NFIB: variants seen among roughly 807,000 people sequenced by gnomAD.
The protein encoded by NFIB is nuclear factor 1 B-type.
NFIB carries 11 observed loss-of-function variants against 61.5 expected under a neutral mutation model. The observed-to-expected ratio is 0.18, with a 90% confidence interval of 0.11 to 0.30. NFIB has a LOEUF of 0.30. Ranked by LOEUF, NFIB falls within the 10% of genes least tolerant of loss-of-function variation. The pLI is 1.00. For synonymous variants in NFIB, 260 were observed against 216.5 expected, an observed-to-expected ratio of 1.20 and a Z score of -1.76; for missense variants, 471 against 608.9, an observed-to-expected ratio of 0.77 and a Z score of 2.38.
chr9:14,478,011 T>C, the NFIB span, among the ~76,000 whole-genome samples: 2 of 152,148 alleles, frequency 1.3e-5, no homozygotes, highest in Non-Finnish European at 2.9e-5. Context: ...TCAAGATTTC[T>C]ACATATTTTC....
chr9:14,340,194 A>G (rs2060933689), intron 1 of NFIB, among the ~76,000 whole-genome samples: 1 of 152,136 alleles, frequency 6.6e-6, no homozygotes, highest in Non-Finnish European at 1.5e-5. Context: ...GCGCATTAGC[A>G]TTTTCCTACC....
chr9:14,530,888 G>C, the NFIB span, among the ~76,000 whole-genome samples: 1 of 151,454 alleles, frequency 6.6e-6, no homozygotes, highest in African/African-American at 2.4e-5. Context: ...GACAGAAAAG[G>C]AAAGGGGCAA....
intron 1 of NFIB, among the ~76,000 whole-genome samples, chr9:14,393,465 C>T (rs1018976633): frequency 2.0e-5 from 3 of 152,144 alleles, no homozygotes; most frequent in Admixed American, 6.6e-5. Context: ...AAGCACAGTC[C>T]TATACTGAAG....
At chr9:14,514,315 T>A in the NFIB span, among the ~76,000 whole-genome samples, 1 of 148,958 alleles carries the variant, frequency 6.7e-6, no homozygotes, top group African/African-American at 2.5e-5. Context: ...CACATACACA[T>A]ACATACATAC....
chr9:14,331,144 T>C (rs1564012671), intron 1 of NFIB, among the ~76,000 whole-genome samples: 1 of 152,160 alleles, frequency 6.6e-6, no homozygotes, highest in Non-Finnish European at 1.5e-5. Context: ...ATAATTACTA[T>C]TTACTGAGGT....
chr9:14,142,973 T>C (rs2041917874), intron 6 of NFIB, among the ~76,000 whole-genome samples: 1 of 152,028 alleles, frequency 6.6e-6, no homozygotes, highest in Admixed American at 6.6e-5. Flanking sequence ...ATATATAAAA[T>C]AATACAAAGT....
chr9:14,213,697 T>A (rs569098058), intron 2 of NFIB, among the ~76,000 whole-genome samples: 5 of 152,274 alleles, frequency 3.3e-5, no homozygotes, highest in African/African-American at 1.2e-4. Flanking sequence ...AAGTCCAAAG[T>A]GCTAAATGAA....
intron 2 of NFIB, among the ~76,000 whole-genome samples, chr9:14,286,435 C>G (rs1054254838): frequency 1.2e-4 from 18 of 152,126 alleles, no homozygotes; most frequent in African/African-American, 4.1e-4. Context: ...TGTATAACTA[C>G]CATGTACACA....
At chr9:14,523,029 G>C in the NFIB span, among the ~76,000 whole-genome samples, 1 of 152,140 alleles carries the variant, frequency 6.6e-6, no homozygotes, top group Non-Finnish European at 1.5e-5. Flanking sequence ...ATAAGCATGA[G>C]AGAGTTGAGG....
intron 1 of NFIB, among the ~76,000 whole-genome samples, chr9:14,333,843 A>G (rs138574482): frequency 6.6e-6 from 1 of 152,308 alleles, no homozygotes; most frequent in East Asian, 1.9e-4. Context: ...CAATGCAGAA[A>G]CCGTCTCCCA....
At chr9:14,213,608 C>A (rs1013010061) in intron 2 of NFIB, among the ~76,000 whole-genome samples, 1 of 152,160 alleles carries the variant, frequency 6.6e-6, no homozygotes, top group Non-Finnish European at 1.5e-5. Flanking sequence ...CATGGGAAAC[C>A]GAAATACTTC....
upstream of NFIB, among the ~76,000 whole-genome samples, chr9:14,315,162 G>A (rs1284866915): frequency 6.6e-6 from 1 of 151,426 alleles, no homozygotes; most frequent in African/African-American, 2.4e-5. Context: ...GGGGTGCGGC[G>A]CCCAGCCCCC....
intron 2 of NFIB, among the ~76,000 whole-genome samples, chr9:14,189,562 T>C (rs1159112537): frequency 6.6e-6 from 1 of 150,678 alleles, no homozygotes; most frequent in Non-Finnish European, 1.5e-5. Context: ...ATATTTAATG[T>C]TCTTTAAGGT....
chr9:14,086,311 A>C lies in NFIB; in HGVS notation c.*1998T>G, dbSNP rs1234906986. 9.0e-6 allele frequency: 2 copies of C among 222,484 alleles called. No homozygotes were observed. The highest frequency in any genetic ancestry group is 1.8e-5 in the Non-Finnish European group (2 of 111,100). The allele number at this position is 222,484 out of a possible 1,614,324, so 13.8% of individuals were successfully genotyped here. A position where few individuals can be genotyped will look rare whatever the true frequency, so the allele number is the denominator to read the frequency against. On this transcript the variant is annotated 3_prime_UTR_variant, in exon 11 of 11. Transcript: ENST00000380953. Reference sequence around the variant, plus strand: ...ATCTCTCAGTACACAAAAGGACCTCATCACACTGCAAAAATAGCAGTACCC... The same window carrying C: ...ATCTCTCAGTACACAAAAGGACCTCCTCACACTGCAAAAATAGCAGTACCC...
chr9:14,410,768 C>A, the NFIB span, among the ~76,000 whole-genome samples: 1 of 152,176 alleles, frequency 6.6e-6, no homozygotes, highest in Non-Finnish European at 1.5e-5. Context: ...TGAGGTCTCT[C>A]CTGTGCTCTG....
rs923836039 is a variant in NFIB at position 14,313,512 on chromosome 9, G to C, written c.-1C>G. The stretch of plus-strand genomic sequence containing the variant: ...TGAGACAGATGGGAGAATACATCAT[G>C]ACTTCGCCTTAAAACGCACTTTCCG... On this transcript the variant is annotated 5_prime_UTR_variant, in exon 1 of 11. Coordinates refer to ENST00000380953, the MANE Select transcript of NFIB (RefSeq NM_001190737.2). The surrounding 1 kb of genome is among the most constrained non-coding windows in gnomAD (Gnocchi z 4.5). The C allele has an allele frequency of 6.2e-7, 1 of 1,613,984 alleles. No homozygotes were observed. Among genetic ancestry groups the C allele is most frequent in the Non-Finnish European group, 8.5e-7 (1 of 1,179,938 alleles).
intron 1 of NFIB, among the ~76,000 whole-genome samples, chr9:14,324,850 A>C (rs914340722): frequency 6.6e-6 from 1 of 152,122 alleles, no homozygotes; most frequent in Non-Finnish European, 1.5e-5. Context: ...ATATGTACAC[A>C]TATTATCATT....
chr9:14,263,422 T>G (rs916693482), intron 2 of NFIB, among the ~76,000 whole-genome samples: 1 of 152,182 alleles, frequency 6.6e-6, no homozygotes, highest in Non-Finnish European at 1.5e-5. Context: ...GTACGTACTC[T>G]TGTTTTTAAA....
intron 2 of NFIB, among the ~76,000 whole-genome samples, chr9:14,287,999 T>C (rs1166716878): frequency 6.6e-6 from 1 of 152,128 alleles, no homozygotes; most frequent in Non-Finnish European, 1.5e-5. Flanking sequence ...ATAATAATGA[T>C]AGTCATGTAA....
Sources: gnomAD v4.1 joint callset for allele counts (sites outside exome capture counted in the v4.1 genomes callset) on GRCh38, gnomAD v4.1.1 for gene constraint, Gnocchi (gnomAD v3.1) non-coding constraint, MANE v1.5 for transcripts, NCBI Gene and HGNC (gene_info 2026-07-23, HGNC 2026-07-21) for gene names.